Variants in CLSTN2 observed in about 807,000 individuals in gnomAD.
CLSTN2 encodes calsyntenin-2.
CLSTN2 carries 48 observed loss-of-function variants against 101.2 expected under a neutral mutation model. The ratio of observed to expected loss-of-function variants is 0.47; its 90% CI spans 0.38 to 0.60. The LOEUF is 0.60. Among genes scored for constraint, CLSTN2 ranks in the 20% least tolerant of loss-of-function variants. The pLI, the probability that CLSTN2 is intolerant of heterozygous loss-of-function variation, is 0.00. For missense variants in CLSTN2, 1,160 were observed against 1,238.2 expected (o/e 0.94, Z 0.95); for synonymous variants, 481 against 463.6 (o/e 1.04, Z -0.48).
At chr3:140,040,890 T>G (rs1012926232) in intron 1 of CLSTN2, among the ~76,000 whole-genome samples, 2 of 150,192 alleles carry the variant, frequency 1.3e-5, no homozygotes, top group Admixed American at 6.6e-5. Flanking sequence ...GAGGGCCTTG[T>G]GGTAAATCTG....
At chr3:140,181,502 T>A (rs932370544) in intron 2 of CLSTN2, among the ~76,000 whole-genome samples, 1 of 152,208 alleles carries the variant, frequency 6.6e-6, no homozygotes, top group South Asian at 2.1e-4. Flanking sequence ...TCAAGGTATG[T>A]TGCCTAGATT....
At chr3:140,021,509 CAG>C (rs1233844633) in intron 1 of CLSTN2, among the ~76,000 whole-genome samples, 1 of 152,090 alleles carries the variant, frequency 6.6e-6, no homozygotes, top group African/African-American at 2.4e-5. Context: ...CTTCCCCTGT[CAG>C]AGTTAGAACC....
chr3:139,963,854 G>T (rs1201131610), intron 1 of CLSTN2, among the ~76,000 whole-genome samples: 3 of 152,240 alleles, frequency 2.0e-5, no homozygotes, highest in African/African-American at 7.2e-5. Flanking sequence ...GCAGAGCCCA[G>T]TGCTGAGCTG....
At chr3:140,340,467 G>A (rs1559843365) in intron 2 of CLSTN2, among the ~76,000 whole-genome samples, 1 of 152,222 alleles carries the variant, frequency 6.6e-6, no homozygotes, top group Non-Finnish European at 1.5e-5. Flanking sequence ...AAACCATGTT[G>A]TTAACAGTAG....
At position 140,175,964 on chromosome 3, in the gene CLSTN2, G is replaced by A. The variant is rs1271803419; in HGVS notation, c.123G>A (p.Lys41=). ...RLLAAKVNKH[K]PWIETSYHGV... The stretch of plus-strand genomic sequence containing the variant: ...CTTATTTTCTAGTCAATAAGCACAA[G>A]CCATGGATCGAGACTTCATATCATG... Residue 41 remains lysine (K), a synonymous_variant, in exon 2 of 17, where the codon AAG becomes AAA. Coordinates refer to ENST00000458420, the MANE Select transcript of CLSTN2 (RefSeq NM_022131.3). The A allele has an allele frequency of 6.2e-7, 1 of 1,612,854 alleles. No homozygotes were observed. The highest frequency in any genetic ancestry group is 2.2e-5 in the East Asian group (1 of 44,846).
At chr3:140,032,616 C>T (rs898548013) in intron 1 of CLSTN2, among the ~76,000 whole-genome samples, 2 of 152,092 alleles carry the variant, frequency 1.3e-5, no homozygotes, top group East Asian at 1.9e-4. Flanking sequence ...GGATAATGGG[C>T]GTGTACCACC....
At chr3:139,975,576 G>A (rs976213129) in intron 1 of CLSTN2, among the ~76,000 whole-genome samples, 2 of 152,174 alleles carry the variant, frequency 1.3e-5, no homozygotes, top group South Asian at 2.1e-4. Flanking sequence ...TTGGTTATAA[G>A]AAAGAAGCTG....
intron 2 of CLSTN2, among the ~76,000 whole-genome samples, chr3:140,321,686 G>A (rs75001227): frequency 0.049 from 7,407 of 152,122 alleles, 398 homozygotes; most frequent in African/African-American, 0.13. Flanking sequence ...CAGATAACCC[G>A]AGTTCCCCTC....
chr3:140,523,319 G>C (rs906478008), intron 8 of CLSTN2, among the ~76,000 whole-genome samples: 5 of 152,088 alleles, frequency 3.3e-5, no homozygotes, highest in African/African-American at 1.2e-4. Context: ...AGAGAACTTA[G>C]GTTTCCATTC....
rs183180197 is a variant in CLSTN2 at position 140,157,228 on chromosome 3, C to T, written c.110-18723C>T. Among the ~76,000 whole-genome samples, 713 of 151,498 alleles carry T rather than the reference C, an allele frequency of 4.7e-3. 3 individuals carry two copies. Among genetic ancestry groups the T allele is most frequent in the Admixed American group, 6.9e-3 (106 of 15,254 alleles). On this transcript the variant is annotated intron_variant, in intron 1 of 16. Transcript: ENST00000458420. Reference sequence around the variant, plus strand: ...TTTTTTTTTCCCCATTGTGTCTCTTCCAGATTTTCCTATTAGTCTCCAAAG... The same window carrying T: ...TTTTTTTTTCCCCATTGTGTCTCTTTCAGATTTTCCTATTAGTCTCCAAAG...
At chr3:140,114,330 T>C (rs991957859) in intron 1 of CLSTN2, among the ~76,000 whole-genome samples, 3 of 152,218 alleles carry the variant, frequency 2.0e-5, no homozygotes, top group Non-Finnish European at 4.4e-5. Flanking sequence ...TGTCCTCTCC[T>C]ACAGGCTGGA....
intron 1 of CLSTN2, among the ~76,000 whole-genome samples, chr3:140,017,132 C>T (rs999381163): frequency 7.9e-5 from 12 of 152,168 alleles, no homozygotes; most frequent in Non-Finnish European, 1.5e-4. Context: ...AGTTGTGTGG[C>T]TCGCTGTGGA....
At chr3:140,184,295 A>G (rs964433013) in intron 2 of CLSTN2, among the ~76,000 whole-genome samples, 1 of 152,170 alleles carries the variant, frequency 6.6e-6, no homozygotes, top group African/African-American at 2.4e-5. Context: ...CTTCCCTGAG[A>G]CTGGGTAACT....
At position 140,017,199 on chromosome 3, in the gene CLSTN2, T is replaced by C. The variant is rs1248951414; in HGVS notation, c.109+81716T>C. Among the ~76,000 whole-genome samples, 3 of 152,242 alleles carry C rather than the reference T, an allele frequency of 2.0e-5. No homozygotes were observed. In the East Asian group the frequency reaches 5.8e-4, roughly 29 times the overall value. ...TGCTCTCAGCTGATGACATATGTGC[T>C]GGCTTGACCTCTCAGGTCTGGAGAT... On this transcript the variant is annotated intron_variant, in intron 1 of 16. Coordinates refer to ENST00000458420, the MANE Select transcript of CLSTN2 (RefSeq NM_022131.3).
intron 4 of CLSTN2, among the ~76,000 whole-genome samples, chr3:140,406,142 A>G (rs2088299741): frequency 6.6e-6 from 1 of 152,226 alleles, no homozygotes; most frequent in Admixed American, 6.5e-5. Context: ...GCCAATGTCT[A>G]GAGGAAAATA....
At chr3:140,253,273 G>A (rs1388073696) in intron 2 of CLSTN2, among the ~76,000 whole-genome samples, 10 of 152,138 alleles carry the variant, frequency 6.6e-5, no homozygotes, top group Admixed American at 6.5e-4. Flanking sequence ...GTCAAGGTCA[G>A]CGTGTTGGGT....
chr3:139,946,680 A>G (rs1935220417), intron 1 of CLSTN2, among the ~76,000 whole-genome samples: 1 of 152,212 alleles, frequency 6.6e-6, no homozygotes, highest in East Asian at 1.9e-4. Context: ...ATGGAGGGCA[A>G]GGATCAGCCA....
Position 140,567,106 on chromosome 3 carries a change from G to T in CLSTN2, c.*853G>T, listed in dbSNP as rs2107796749. 1 of 153,358 alleles carries T rather than the reference G, an allele frequency of 6.5e-6. No homozygotes were observed. The highest frequency in any genetic ancestry group is 2.1e-4 in the South Asian group (1 of 4,844). 9.5% of individuals were successfully genotyped at this position (153,358 alleles called of 1,614,324 possible). A position where few individuals can be genotyped will look rare whatever the true frequency, so the allele number is the denominator to read the frequency against. On this transcript the variant is annotated 3_prime_UTR_variant, in exon 17 of 17. Coordinates refer to ENST00000458420, the MANE Select transcript of CLSTN2 (RefSeq NM_022131.3). ...GGACAGTCACAACAAGGACAACAAG[G>T]ACACAACACAACACACAACAAGGAC... is the stretch of plus-strand genomic sequence containing the variant.
At chr3:140,289,289 C>T (rs2107902057) in intron 2 of CLSTN2, among the ~76,000 whole-genome samples, 2 of 151,764 alleles carry the variant, frequency 1.3e-5, no homozygotes, top group Middle Eastern at 3.4e-3. Flanking sequence ...GGATTCAAAC[C>T]CAGCCAGCCT....
Sources: allele counts gnomAD v4.1 joint callset (sites outside exome capture counted in the v4.1 genomes callset), GRCh38; gene constraint gnomAD v4.1.1; transcripts MANE v1.5; gene names NCBI Gene and HGNC (gene_info 2026-07-23, HGNC 2026-07-21).